CALN1: variants seen among roughly 807,000 people sequenced by gnomAD.
The protein encoded by CALN1 is calcium-binding protein 8.
CALN1 carries 17 observed loss-of-function variants against 30.6 expected under a neutral mutation model. The observed-to-expected ratio is 0.56, with a 90% confidence interval of 0.38 to 0.83. CALN1 has a LOEUF of 0.83. Among genes scored for constraint, CALN1 ranks in the 40% least tolerant of loss-of-function variants. CALN1 has a pLI of 0.00. For synonymous variants in CALN1, 156 were observed against 131.4 expected, an observed-to-expected ratio of 1.19 and a Z score of -1.28; for missense variants, 291 against 354.9, an observed-to-expected ratio of 0.82 and a Z score of 1.45.
At chr7:72,049,809 A>ATT (rs36079674) in intron 4 of CALN1, among the ~76,000 whole-genome samples, 16 of 90,532 alleles carry the variant, frequency 1.8e-4, no homozygotes, top group African/African-American at 7.9e-4. Flanking sequence ...GGCCAAGTCT[A>ATT]TTTCTTTTTT....
chr7:71,853,333 T>G (rs911052647), intron 5 of CALN1, among the ~76,000 whole-genome samples: 1 of 152,130 alleles, frequency 6.6e-6, no homozygotes, highest in Non-Finnish European at 1.5e-5. Flanking sequence ...AAATTGTATA[T>G]ATTATTATTT....
At chr7:71,916,049 G>A (rs1794675007) in intron 5 of CALN1, among the ~76,000 whole-genome samples, 1 of 152,092 alleles carries the variant, frequency 6.6e-6, no homozygotes, top group Non-Finnish European at 1.5e-5. Flanking sequence ...CTCCAATCCA[G>A]CAAATCTTAA....
chr7:72,176,329 T>C (rs1789353161), intron 3 of CALN1, among the ~76,000 whole-genome samples: 1 of 152,194 alleles, frequency 6.6e-6, no homozygotes, highest in Non-Finnish European at 1.5e-5. Context: ...GACTAGGCAT[T>C]CCCTGCTGTT....
At chr7:72,414,164 CTA>C (rs1235687523), upstream of CALN1, among the ~76,000 whole-genome samples, 1 of 152,100 alleles carries the variant, frequency 6.6e-6, no homozygotes, top group Non-Finnish European at 1.5e-5. Context: ...ATCCAGGATC[CTA>C]GAGTTTGGCG....
At chr7:72,323,661 CAAAAAAA>C (rs199739156) in intron 2 of CALN1, among the ~76,000 whole-genome samples, 5 of 96,212 alleles carry the variant, frequency 5.2e-5, no homozygotes, top group African/African-American at 1.4e-4. Context: ...GACTCCATCT[CAAAAAAA>C]AAAAAATAAA....
rs371153112 is a variant in CALN1 at position 71,873,001 on chromosome 7, A to ATTT, written c.502-62512_502-62510dup. On this transcript the variant is annotated intron_variant, in intron 5 of 6. Transcript: ENST00000395275. ...AGTTAAACACACAAAGTTTGTGACAATTTTTTTTTTTTTTTTTTTTGAGAT... is the reference window on the plus strand; with the variant it reads ...AGTTAAACACACAAAGTTTGTGACAATTTTTTTTTTTTTTTTTTTTTTTGAGAT... 4.3e-4 allele frequency among the ~76,000 whole-genome samples: 50 copies of ATTT among 115,618 alleles called. 2 individuals carry two copies. The highest frequency in any genetic ancestry group is 1.8e-3 in the African/African-American group (50 of 28,100). 75.8% of individuals were successfully genotyped at this position (115,618 alleles called of 152,430 possible). A position where few individuals can be genotyped will look rare whatever the true frequency, so the allele number is the denominator to read the frequency against.
At chr7:71,962,397 A>G (rs1257092318) in intron 5 of CALN1, among the ~76,000 whole-genome samples, 1 of 152,142 alleles carries the variant, frequency 6.6e-6, no homozygotes, top group Non-Finnish European at 1.5e-5. Context: ...AGAGAGACCC[A>G]GCCTCCAATA....
At chr7:71,926,739 C>CT (rs1424946071) in intron 5 of CALN1, among the ~76,000 whole-genome samples, 3 of 151,936 alleles carry the variant, frequency 2.0e-5, no homozygotes, top group African/African-American at 7.3e-5. Context: ...ATTGATTCAC[C>CT]TTTAAGTTCA....
chr7:72,181,096 ACC>A (rs199527098), intron 3 of CALN1, among the ~76,000 whole-genome samples: 3,727 of 74,568 alleles, frequency 0.05, 291 homozygotes, highest in African/African-American at 0.17. Flanking sequence ...AAACTGCATA[ACC>A]CCCCCCCCCC....
intron 5 of CALN1, among the ~76,000 whole-genome samples, chr7:71,994,217 G>A (rs1363461956): frequency 6.6e-6 from 1 of 152,122 alleles, no homozygotes; most frequent in African/African-American, 2.4e-5. Flanking sequence ...ACTGTTTACA[G>A]ATAGTAAAAT....
At position 72,083,624 on chromosome 7, in the gene CALN1, T is replaced by TA. The variant is rs763336510; in HGVS notation, c.388+22526dup. ...TAAAAATAAATGAAAATGCAAGGAA[T>TA]AAAAAATACATATAGGCCAGGCACA... On this transcript the variant is annotated intron_variant, in intron 4 of 6. Transcript: ENST00000395275. 2.0e-5 allele frequency among the ~76,000 whole-genome samples: 3 copies of TA among 151,828 alleles called. No individual in the cohort carries two copies. In the East Asian group the frequency reaches 5.8e-4, roughly 30 times the overall value.
intron 2 of CALN1, among the ~76,000 whole-genome samples, chr7:72,297,751 A>G (rs1026130181): frequency 1.3e-5 from 2 of 152,240 alleles, no homozygotes; most frequent in Admixed American, 1.3e-4. Flanking sequence ...AGTATTTACG[A>G]AGTCATAATA....
rs765182390 is a variant in CALN1, at chr7:72,403,405, A to C, written c.-36T>G. ...GGGCGATGTTCTCAGAGAGAGTTAG[A>C]AGCTCATCAAAGGAACGTCAGCGAA... On this transcript the variant is annotated 5_prime_UTR_variant, in exon 2 of 7. Coordinates refer to ENST00000395275, the MANE Select transcript of CALN1 (RefSeq NM_031468.4). 52 of 1,495,048 alleles carry C rather than the reference A, an allele frequency of 3.5e-5. No homozygotes were observed. The South Asian group carries it at 5.1e-4, about 15-fold the overall frequency. The allele number at this position is 1,495,048 out of a possible 1,614,324, so 92.6% of individuals were successfully genotyped here.
intron 2 of CALN1, among the ~76,000 whole-genome samples, chr7:72,382,977 G>A (rs747795530): frequency 1.3e-5 from 2 of 152,084 alleles, no homozygotes; most frequent in Non-Finnish European, 2.9e-5. Flanking sequence ...TTCTAGAGAT[G>A]GGGTTTCACC....
chr7:72,100,692 T>C (rs1352306119), intron 4 of CALN1, among the ~76,000 whole-genome samples: 1 of 151,194 alleles, frequency 6.6e-6, no homozygotes, highest in African/African-American at 2.4e-5. Flanking sequence ...TGGTGGCGGG[T>C]GCCTGTAGTC....
intron 4 of CALN1, among the ~76,000 whole-genome samples, chr7:72,035,609 T>C (rs879375533): frequency 2.6e-5 from 4 of 152,230 alleles, no homozygotes; most frequent in Non-Finnish European, 5.9e-5. Flanking sequence ...TTCCTTTTTG[T>C]GTATATTTTA....
chr7:71,906,289 A>C (rs1442409486), intron 5 of CALN1, among the ~76,000 whole-genome samples: 1 of 152,092 alleles, frequency 6.6e-6, no homozygotes, highest in Admixed American at 6.6e-5. Context: ...TCCATTTTCC[A>C]GGCTTTGGGA....
chr7:71,793,140 A>C (rs1247351205), intron 6 of CALN1, among the ~76,000 whole-genome samples: 9 of 152,022 alleles, frequency 5.9e-5, no homozygotes, highest in Non-Finnish European at 1.0e-4. Context: ...CTCCGTCTCT[A>C]CTAAAAACAC....
At position 71,857,016 on chromosome 7, in the gene CALN1, ATGTGTGTGTG is replaced by A. The variant is rs200594767; in HGVS notation, c.502-46534_502-46525del. The stretch of plus-strand genomic sequence containing the variant: ...AGACAACCTCATGGTGTGTATATGT[ATGTGTGTGTG>A]TGTGTGTGTGTGTGTGTGTGTGTGT... On this transcript the variant is annotated intron_variant, in intron 5 of 6. Transcript: ENST00000395275. 1.7e-3 allele frequency among the ~76,000 whole-genome samples: 248 copies of A among 142,314 alleles called. 1 individual carries two copies. Among genetic ancestry groups the A allele is most frequent in the East Asian group, 6.3e-3 (31 of 4,952 alleles). 93.4% of individuals were successfully genotyped at this position (142,314 alleles called of 152,430 possible). A position where few individuals can be genotyped will look rare whatever the true frequency, so the allele number is the denominator to read the frequency against.
Sources: gnomAD v4.1 joint callset for allele counts (sites outside exome capture counted in the v4.1 genomes callset) on GRCh38, gnomAD v4.1.1 for gene constraint, MANE v1.5 for transcripts, NCBI Gene and HGNC (gene_info 2026-07-23, HGNC 2026-07-21) for gene names.